Variants in STAT4 observed in about 807,000 individuals in gnomAD.
STAT4 encodes signal transducer and activator of transcription 4.
In STAT4, 42 loss-of-function variants were observed where a neutral mutation model predicts 110.5. That is an observed-to-expected ratio of 0.38 (90% CI 0.30 to 0.49). The LOEUF (loss-of-function observed/expected upper bound fraction) is 0.49, where lower values mean the gene tolerates loss of function less well. Among genes scored for constraint, STAT4 ranks in the 20% least tolerant of loss-of-function variants. The pLI is 0.95. For missense variants in STAT4, 632 were observed against 887.9 expected, an observed-to-expected ratio of 0.71 and a Z score of 3.66; for synonymous variants, 284 against 302.2, an observed-to-expected ratio of 0.94 and a Z score of 0.63.
chr2:191,070,938 T>C (rs1379923106), intron 5 of STAT4, among the ~76,000 whole-genome samples: 1 of 152,182 alleles, frequency 6.6e-6, no homozygotes, highest in African/African-American at 2.4e-5. Context: ...CTTAAAACAG[T>C]GCCTGGTACC....
intron 4 of STAT4, among the ~76,000 whole-genome samples, chr2:191,075,281 G>C (rs1372507105): frequency 6.6e-6 from 1 of 152,126 alleles, no homozygotes; most frequent in Non-Finnish European, 1.5e-5. Context: ...TTTTTGTAAG[G>C]ATTAACTGAA....
chr2:191,033,993 C>A lies in STAT4; in HGVS notation c.1633G>T (p.Gly545Cys). Reference sequence around the variant, plus strand: ...CATGTCCAAAAGGTAAATGATTTACCAGGTAAATGTTCCTACAGGAATAGA... The same window carrying A: ...CATGTCCAAAAGGTAAATGATTTACAAGGTAAATGTTCCTACAGGAATAGA... The part of the protein sequence containing the change: ...WAKFCKEHLP[G>C]KSFTFWTWLE... The change falls in exon 19 of 24, where the codon GGT becomes TGT. Residue 545 changes from glycine (G) to cysteine (C), a missense_variant. Transcript: ENST00000392320. This position sits in a 1 kb window ranked among gnomAD's most constrained non-coding sequence, Gnocchi z 6.9. The A allele has an allele frequency of 6.2e-7, 1 of 1,606,912 alleles. No individual in the cohort carries two copies. The highest frequency in any genetic ancestry group is 8.5e-7 in the Non-Finnish European group (1 of 1,176,434).
intron 3 of STAT4, among the ~76,000 whole-genome samples, chr2:191,119,775 C>T (rs1452221824): frequency 6.6e-6 from 1 of 152,096 alleles, no homozygotes; most frequent in Non-Finnish European, 1.5e-5. Flanking sequence ...ATCAAGACTA[C>T]AAATCTATGG....
chr2:191,034,596 G>T lies in STAT4; in HGVS notation c.1572C>A (p.Val524=). ...GGTGACCATCACTGTAGCTAGATTG[G>T]ACTGAAATGAAAGAAAAGAATGAAA... is the stretch of plus-strand genomic sequence containing the variant. ...QLHMLAEKLT[V]QSSYSDGHLT... Residue 524 remains valine (V), a splice_region_variant and synonymous_variant, in exon 18 of 24, where the codon GTC becomes GTA. Transcript: ENST00000392320. 1.9e-6 allele frequency: 3 copies of T among 1,611,772 alleles called. No individual in the cohort carries two copies. The highest frequency in any genetic ancestry group is 1.1e-5 in the South Asian group (1 of 91,008).
intron 3 of STAT4, among the ~76,000 whole-genome samples, chr2:191,126,765 C>G (rs1309003441): frequency 6.6e-6 from 1 of 152,174 alleles, no homozygotes; most frequent in Non-Finnish European, 1.5e-5. Context: ...TGACATGGGT[C>G]TTGGACTTGA....
Position 191,148,068 on chromosome 2 carries a change from G to T in STAT4, c.128+8C>A, listed in dbSNP as rs770377417. 1.3e-5 allele frequency: 21 copies of T among 1,613,340 alleles called. No individual in the cohort carries two copies. The highest frequency in any genetic ancestry group is 1.4e-5 in the Non-Finnish European group (17 of 1,179,550). Reference sequence around the variant, plus strand: ...ATCAACTTCTAGGGAAAATATGTTTGATCCTACCAGTCTTGATTTTCAATC... The same window carrying T: ...ATCAACTTCTAGGGAAAATATGTTTTATCCTACCAGTCTTGATTTTCAATC... On this transcript the variant is annotated splice_region_variant and intron_variant, in intron 2 of 23. Transcript: ENST00000392320.
chr2:191,049,821 A>T (rs990692857), intron 14 of STAT4, among the ~76,000 whole-genome samples: 4 of 152,220 alleles, frequency 2.6e-5, no homozygotes, highest in African/African-American at 9.6e-5. Context: ...TAGCTCATAA[A>T]GCCCTCTGCT....
At chr2:191,102,960 A>C in intron 3 of STAT4, among the ~76,000 whole-genome samples, 1 of 152,150 alleles carries the variant, frequency 6.6e-6, no homozygotes, top group East Asian at 1.9e-4. Context: ...CCATGGTATC[A>C]ACTATGCCCA....
rs1696576996 is a variant in STAT4 at position 191,053,018 on chromosome 2, T to A, written c.1251+1472A>T. ...TGAGGCTATGATGTTTGGCAAATGA[T>A]CTTTAAGACACAATTAAGGGAATGA... On this transcript the variant is annotated intron_variant, in intron 14 of 23. Coordinates refer to ENST00000392320, the MANE Select transcript of STAT4 (RefSeq NM_003151.4). The surrounding 1 kb of genome is among the most constrained non-coding windows in gnomAD (Gnocchi z 4.5). Among the ~76,000 whole-genome samples the A allele has an allele frequency of 6.6e-5, 10 of 152,156 alleles. No homozygotes were observed.
At chr2:191,079,408 A>C (rs1697402565) in intron 3 of STAT4, among the ~76,000 whole-genome samples, 1 of 151,824 alleles carries the variant, frequency 6.6e-6, no homozygotes, top group African/African-American at 2.4e-5. Context: ...CACTGGGTTT[A>C]TTTCTGTAGA....
At position 191,039,835 on chromosome 2, in the gene STAT4, C is replaced by G. The variant is rs1397117443; in HGVS notation, c.1336-538G>C. On this transcript the variant is annotated intron_variant, in intron 15 of 23. Transcript: ENST00000392320. This position sits in a 1 kb window ranked among gnomAD's most constrained non-coding sequence, Gnocchi z 4.7. ...TACAGAACTAACTCAATTTAATACT[C>G]TTGGTTCTGTGGTTTTCTACTTTAT... 6.6e-6 allele frequency among the ~76,000 whole-genome samples: 1 copy of G among 152,168 alleles called. No homozygotes were observed. Among genetic ancestry groups the G allele is most frequent in the African/African-American group, 2.4e-5 (1 of 41,418 alleles).
intron 4 of STAT4, among the ~76,000 whole-genome samples, chr2:191,073,774 T>C (rs997237124): frequency 1.3e-5 from 2 of 152,146 alleles, no homozygotes; most frequent in Non-Finnish European, 2.9e-5. Flanking sequence ...TATATGCGCA[T>C]GTATGTATAA....
chr2:191,044,266 T>C (rs759119613), intron 14 of STAT4, among the ~76,000 whole-genome samples: 1 of 152,180 alleles, frequency 6.6e-6, no homozygotes, highest in Non-Finnish European at 1.5e-5. Flanking sequence ...AACTCATTGC[T>C]GTAAAATTGC....
Position 191,147,823 on chromosome 2 carries a change from AC to A in STAT4, c.128+252del, listed in dbSNP as rs1699497873. ...CAATTGATTTGCTTCTTTTTTTAAT[AC>A]ATGAAAAATTATTTGGGTTTTTGTT... On this transcript the variant is annotated intron_variant, in intron 2 of 23. Transcript: ENST00000392320. The surrounding 1 kb of genome is among the most constrained non-coding windows in gnomAD (Gnocchi z 4.1). Among the ~76,000 whole-genome samples, 1 of 152,326 alleles carries A rather than the reference AC, an allele frequency of 6.6e-6. No individual in the cohort carries two copies. The highest frequency in any genetic ancestry group is 2.4e-5 in the African/African-American group (1 of 41,584).
chr2:191,069,535 G>A (rs1323282049), intron 6 of STAT4, among the ~76,000 whole-genome samples, 158 bp downstream of exon 6: 1 of 152,068 alleles, frequency 6.6e-6, no homozygotes, highest in African/African-American at 2.4e-5. Context: ...ATATTTATAT[G>A]CAGAGATAAG....
At chr2:191,137,691 T>C (rs1034989148) in intron 3 of STAT4, among the ~76,000 whole-genome samples, 1 of 152,092 alleles carries the variant, frequency 6.6e-6, no homozygotes, top group Middle Eastern at 3.2e-3. Flanking sequence ...TGGAACAGAA[T>C]AGAGAACCCA....
rs912603715 is a variant in STAT4, at chr2:191,103,883, G to A, written c.274-27558C>T. Among the ~76,000 whole-genome samples, 6 of 152,116 alleles carry A rather than the reference G, an allele frequency of 3.9e-5. No individual in the cohort carries two copies. The East Asian group carries it at 1.2e-3, about 29-fold the overall frequency. On this transcript the variant is annotated intron_variant, in intron 3 of 23. Coordinates refer to ENST00000392320, the MANE Select transcript of STAT4 (RefSeq NM_003151.4). ...TCTCTATTTTAACTTGAAGGAAATT[G>A]CTCAGACAATGGGACATCTACAGTT...
chr2:191,097,315 A>G (rs1698019106), intron 3 of STAT4, among the ~76,000 whole-genome samples: 1 of 152,238 alleles, frequency 6.6e-6, no homozygotes, highest in Non-Finnish European at 1.5e-5. Context: ...TTGCCAAGTC[A>G]ATCCTAAACA....
intron 3 of STAT4, among the ~76,000 whole-genome samples, chr2:191,084,544 G>A (rs1187407549): frequency 6.6e-6 from 1 of 152,072 alleles, no homozygotes; most frequent in Non-Finnish European, 1.5e-5. Flanking sequence ...GTTACAAGAA[G>A]GCATGGGGAG....
Sources: allele counts gnomAD v4.1 joint callset (sites outside exome capture counted in the v4.1 genomes callset), GRCh38; gene constraint gnomAD v4.1.1; non-coding constraint Gnocchi (gnomAD v3.1); transcripts MANE v1.5; gene names NCBI Gene and HGNC (gene_info 2026-07-23, HGNC 2026-07-21).